PCTP: variants seen among roughly 807,000 people sequenced by gnomAD.
PCTP encodes START domain-containing protein 2.
Under a neutral mutation model 31.0 loss-of-function variants are expected in PCTP, and 27 were observed. The ratio of observed to expected loss-of-function variants is 0.87; its 90% CI spans 0.64 to 1.20. The LOEUF (loss-of-function observed/expected upper bound fraction) is 1.20. PCTP is among the 50% of genes most tolerant of loss of function. The probability of loss-of-function intolerance (pLI) is 0.00; values close to 1 mark genes in which losing one functional copy is unlikely to be tolerated. For synonymous variants in PCTP, 108 were observed against 101.2 expected (o/e 1.07, Z -0.40); for missense variants, 287 against 268.2 (o/e 1.07, Z -0.49).
intron 3 of PCTP, among the ~76,000 whole-genome samples, chr17:55,800,774 G>C (rs1165615572): frequency 6.6e-6 from 1 of 151,828 alleles, no homozygotes; most frequent in Non-Finnish European, 1.5e-5. Context: ...ATCTACTTTT[G>C]GTCTTTGAAG....
the PCTP span, among the ~76,000 whole-genome samples, chr17:55,848,353 G>A: frequency 6.6e-6 from 1 of 152,220 alleles, no homozygotes; most frequent in African/African-American, 2.4e-5. Flanking sequence ...GTGAGAGATA[G>A]TACCTCATAG....
intron 1 of PCTP, among the ~76,000 whole-genome samples, chr17:55,761,264 A>G (rs1910326935): frequency 6.6e-6 from 1 of 152,220 alleles, no homozygotes; most frequent in Non-Finnish European, 1.5e-5. Context: ...GACCATGCTT[A>G]GAAAAACAAT....
At chr17:55,760,250 G>C (rs1470914380) in intron 1 of PCTP, among the ~76,000 whole-genome samples, 1 of 152,098 alleles carries the variant, frequency 6.6e-6, no homozygotes. Context: ...GTAGATATTG[G>C]TTTTCCTGAA....
chr17:55,796,916 A>G (rs1414864753), intron 3 of PCTP, among the ~76,000 whole-genome samples: 3 of 151,952 alleles, frequency 2.0e-5, no homozygotes, highest in Non-Finnish European at 4.4e-5. Flanking sequence ...AATCCCAGAG[A>G]ATGCTCTGAA....
chr17:55,782,489 A>T (rs2144988873), intron 2 of PCTP, among the ~76,000 whole-genome samples: 1 of 152,316 alleles, frequency 6.6e-6, no homozygotes, highest in East Asian at 1.9e-4. Context: ...GAGATAGGAA[A>T]TACTATCTCC....
In PCTP at chr17:55,808,131, A is replaced by G. The variant is rs118114888; in HGVS notation, c.318-14630A>G. ...TGAGGTAGAGTACCTCAACTCAAAT[A>G]TATGAAGTGATTTGTCAAAGGTCAC... On this transcript the variant is annotated intron_variant, in intron 3 of 3. Coordinates refer to the PCTP transcript ENST00000572536. Among the ~76,000 whole-genome samples the G allele has an allele frequency of 1.4e-4, 21 of 152,314 alleles. 1 individual carries two copies. The East Asian group carries it at 3.9e-3, about 28-fold the overall frequency.
At chr17:55,849,723 C>T in the PCTP span, among the ~76,000 whole-genome samples, 5 of 152,024 alleles carry the variant, frequency 3.3e-5, no homozygotes, top group African/African-American at 4.8e-5. Flanking sequence ...TTTTATAAGA[C>T]GAACACTACC....
intron 1 of PCTP, among the ~76,000 whole-genome samples, chr17:55,753,898 C>A (rs1196219999): frequency 6.6e-6 from 1 of 152,232 alleles, no homozygotes; most frequent in Non-Finnish European, 1.5e-5. Context: ...CACACACACT[C>A]TTTTTCTAAT....
At chr17:55,831,654 C>T (rs1489937362) in intron 5 of PCTP, among the ~76,000 whole-genome samples, 2 of 152,216 alleles carry the variant, frequency 1.3e-5, no homozygotes, top group Admixed American at 1.3e-4. Flanking sequence ...AATAGATTGT[C>T]TCACTCAATA....
At chr17:55,770,622 C>A (rs976986752) in intron 2 of PCTP, 1 of 152,344 alleles carries the variant, frequency 6.6e-6, no homozygotes, top group Non-Finnish European at 1.5e-5. Context: ...TGTCCCTGGG[C>A]AATAAGCTTT....
intron 3 of PCTP, among the ~76,000 whole-genome samples, chr17:55,821,933 G>C (rs1254562984): frequency 6.6e-6 from 1 of 152,156 alleles, no homozygotes; most frequent in Non-Finnish European, 1.5e-5. Context: ...TTGGCTCCCA[G>C]GCGCTGTGGA....
chr17:55,776,054 TGAAA>T lies in PCTP; in HGVS notation c.602_605del (p.Lys201ThrfsTer75). 1 of 1,614,000 alleles carries T rather than the reference TGAAA, an allele frequency of 6.2e-7. No individual in the cohort carries two copies. The highest frequency in any genetic ancestry group is 1.3e-5 in the African/African-American group (1 of 75,062). On this transcript the variant is annotated frameshift_variant, in exon 6 of 6. Transcript: ENST00000268896. LOFTEE classifies it high-confidence loss of function. ...TTGCAGAATGGAGTTCCTAACTTCT[TGAAA>T]GACATGGCAAGAGCCTGTCAGAACT...
chr17:55,849,059 A>G, the PCTP span, among the ~76,000 whole-genome samples: 4 of 152,196 alleles, frequency 2.6e-5, no homozygotes, highest in African/African-American at 9.6e-5. Context: ...AAATAATTCA[A>G]CAGAAACACA....
chr17:55,799,843 G>T (rs1378989937), intron 3 of PCTP, among the ~76,000 whole-genome samples: 1 of 152,058 alleles, frequency 6.6e-6, no homozygotes, highest in Non-Finnish European at 1.5e-5. Context: ...GCTTAGTTTG[G>T]CTGGATATGA....
At chr17:55,833,699 G>A (rs1905680584) in intron 5 of PCTP, among the ~76,000 whole-genome samples, 2 of 152,178 alleles carry the variant, frequency 1.3e-5, no homozygotes, top group South Asian at 2.1e-4. Context: ...TGACTCTCAC[G>A]CATGCTCAAG....
chr17:55,823,906 G>A (rs542194005), downstream of PCTP, among the ~76,000 whole-genome samples: 1 of 152,286 alleles, frequency 6.6e-6, no homozygotes, highest in South Asian at 2.1e-4. Context: ...GAATAGTGCT[G>A]CATAACTCCC....
rs942605629 is a variant in PCTP, at chr17:55,751,131, G to A, written c.28G>A (p.Glu10Lys). 2 of 1,544,780 alleles carry A rather than the reference G, an allele frequency of 1.3e-6. No individual in the cohort carries two copies. Among genetic ancestry groups the A allele is most frequent in the Non-Finnish European group, 1.7e-6 (2 of 1,145,068 alleles). ...GGAGCTGGCCGCCGGAAGCTTCTCGGAGGAGCAGTTCTGGGAGGCCTGCGC... is the reference window on the plus strand; with the variant it reads ...GGAGCTGGCCGCCGGAAGCTTCTCGAAGGAGCAGTTCTGGGAGGCCTGCGC... MELAAGSFS[E>K]EQFWEACAEL... The change falls in exon 1 of 6, where the codon GAG (glutamate) becomes AAG (lysine). Residue 10 changes from glutamate (E) to lysine (K), a missense_variant. Glu to Lys is a moderately conservative substitution (Grantham distance 56, BLOSUM62 1). Transcript: ENST00000268896.
downstream of PCTP, among the ~76,000 whole-genome samples, chr17:55,779,196 G>A (rs962171717): frequency 6.6e-6 from 1 of 152,178 alleles, no homozygotes; most frequent in Non-Finnish European, 1.5e-5. Context: ...GATAGGCATG[G>A]CATTTGTGGG....
chr17:55,794,299 GTCT>G lies in PCTP; in HGVS notation c.317+6653_317+6655del, dbSNP rs74276699. On this transcript the variant is annotated intron_variant, in intron 3 of 3. Transcript: ENST00000572536. The stretch of plus-strand genomic sequence containing the variant: ...GAAATCATACTCTAAATGTCCAATA[GTCT>G]TCTTCTTTTTTTTTAAGTCAGTATA... Among the ~76,000 whole-genome samples the G allele has an allele frequency of 4.6e-5, 7 of 151,460 alleles. No individual in the cohort carries two copies. The South Asian group carries it at 8.3e-4, about 18-fold the overall frequency.
Sources: gnomAD v4.1 joint callset for allele counts (sites outside exome capture counted in the v4.1 genomes callset) on GRCh38, gnomAD v4.1.1 for gene constraint, MANE v1.5 for transcripts, NCBI Gene and HGNC (gene_info 2026-07-23, HGNC 2026-07-21) for gene names.